The following BRINP3 variants were observed in gnomAD, a reference collection of about 807,000 sequenced individuals.
BRINP3 encodes BMP/retinoic acid inducible neural specific 3, also known as BMP/retinoic acid-inducible neural-specific protein 3.
In BRINP3, 19 loss-of-function variants were observed where a neutral mutation model predicts 71.0. The observed-to-expected ratio is 0.27, with a 90% confidence interval of 0.19 to 0.39. The LOEUF (loss-of-function observed/expected upper bound fraction) is 0.39. Ranked by LOEUF, BRINP3 falls within the 10% of genes least tolerant of loss-of-function variation. The probability of loss-of-function intolerance (pLI) is 1.00; values close to 1 mark genes in which losing one functional copy is unlikely to be tolerated. For missense variants in BRINP3, 959 were observed against 940.8 expected, an observed-to-expected ratio of 1.02 and a Z score of -0.25; for synonymous variants, 380 against 337.7, an observed-to-expected ratio of 1.13 and a Z score of -1.37.
intron 7 of BRINP3, among the ~76,000 whole-genome samples, chr1:190,139,279 C>CT (rs895212423): frequency 1.3e-5 from 2 of 151,442 alleles, no homozygotes; most frequent in African/African-American, 4.8e-5. Context: ...GAAACCCCCT[C>CT]TGTCTCTACT....
chr1:190,437,160 C>A (rs1433830548), intron 2 of BRINP3, among the ~76,000 whole-genome samples: 1 of 151,534 alleles, frequency 6.6e-6, no homozygotes, highest in Non-Finnish European at 1.5e-5. Flanking sequence ...AGCAAAAAAT[C>A]AAAATATGAA....
At chr1:190,414,345 T>G (rs189386498) in intron 2 of BRINP3, among the ~76,000 whole-genome samples, 18 of 152,168 alleles carry the variant, frequency 1.2e-4, no homozygotes, top group East Asian at 3.9e-4. Flanking sequence ...GTGTTTTTTT[T>G]TTGTTGTTTA....
intron 6 of BRINP3, among the ~76,000 whole-genome samples, chr1:190,163,301 A>G (rs750142116): frequency 1.2e-4 from 19 of 152,130 alleles, no homozygotes; most frequent in Non-Finnish European, 2.5e-4. Context: ...TAAAGTGGAA[A>G]ATACACAACA....
At chr1:190,370,774 T>A (rs1256307440) in intron 2 of BRINP3, among the ~76,000 whole-genome samples, 1 of 152,158 alleles carries the variant, frequency 6.6e-6, no homozygotes, top group Non-Finnish European at 1.5e-5. Flanking sequence ...AAGCCTAGAG[T>A]GTTCACTTTT....
chr1:190,454,584 C>T (rs934247699), intron 2 of BRINP3, 71 bp downstream of exon 2: 2 of 1,299,108 alleles, frequency 1.5e-6, no homozygotes, highest in Non-Finnish European at 2.1e-6. Flanking sequence ...GAAACTTTCC[C>T]TTAGAGAAAC....
intron 2 of BRINP3, among the ~76,000 whole-genome samples, chr1:190,413,870 T>C (rs1448195032): frequency 6.6e-6 from 1 of 152,206 alleles, no homozygotes; most frequent in African/African-American, 2.4e-5. Flanking sequence ...ATAAATAATT[T>C]ATGTTCAAAA....
intron 2 of BRINP3, among the ~76,000 whole-genome samples, chr1:190,297,065 A>G (rs1366236265): frequency 2.6e-5 from 4 of 152,098 alleles, no homozygotes; most frequent in African/African-American, 9.6e-5. Context: ...CCTAAAATTT[A>G]TGTAAAATCA....
intron 7 of BRINP3, among the ~76,000 whole-genome samples, chr1:190,121,260 TTTTA>T (rs1653627756): frequency 6.6e-6 from 1 of 152,130 alleles, no homozygotes; most frequent in Non-Finnish European, 1.5e-5. Flanking sequence ...ACAAAATGTG[TTTTA>T]TTATTTGGGG....
intron 2 of BRINP3, among the ~76,000 whole-genome samples, chr1:190,407,064 A>G (rs1672328105): frequency 6.6e-6 from 1 of 152,172 alleles, no homozygotes; most frequent in Non-Finnish European, 1.5e-5. Flanking sequence ...AGTAAGGGAA[A>G]AACCAAACTA....
chr1:190,118,101 G>C (rs1018704741), intron 7 of BRINP3, among the ~76,000 whole-genome samples: 7 of 150,412 alleles, frequency 4.7e-5, no homozygotes, highest in African/African-American at 1.7e-4. Context: ...CTATGTTTTA[G>C]TCTTAAATTA....
intron 2 of BRINP3, among the ~76,000 whole-genome samples, chr1:190,290,997 G>A (rs988472110): frequency 1.3e-5 from 2 of 151,790 alleles, no homozygotes; most frequent in African/African-American, 4.8e-5. Context: ...AGAGGAAAGA[G>A]AAGAAACAGA....
intron 2 of BRINP3, among the ~76,000 whole-genome samples, chr1:190,327,037 C>T (rs1168298335): frequency 2.0e-5 from 3 of 150,924 alleles, no homozygotes; most frequent in African/African-American, 7.3e-5. Context: ...ATACACAAGC[C>T]TGGCACGGTG....
intron 3 of BRINP3, among the ~76,000 whole-genome samples, chr1:190,267,118 T>C (rs1010592551): frequency 1.3e-5 from 2 of 152,140 alleles, no homozygotes; most frequent in Non-Finnish European, 2.9e-5. Context: ...AAAGTAATGA[T>C]AGAAATATAT....
intron 2 of BRINP3, chr1:190,361,947 A>T (rs1182682707): frequency 6.6e-6 from 1 of 152,112 alleles, no homozygotes; most frequent in Non-Finnish European, 1.5e-5. Context: ...CCTTTATAGA[A>T]GTAATTAGGG....
intron 2 of BRINP3, chr1:190,342,337 C>T (rs1328050888): frequency 1.5e-5 from 2 of 137,126 alleles, no homozygotes; most frequent in African/African-American, 2.7e-5. Context: ...TGGGGGGCCA[C>T]TATTCTGCTT....
At chr1:190,235,254 T>G (rs1297704450) in intron 4 of BRINP3, among the ~76,000 whole-genome samples, 2 of 152,088 alleles carry the variant, frequency 1.3e-5, no homozygotes, top group Non-Finnish European at 1.5e-5. Flanking sequence ...ATCTCATATG[T>G]GGACTGATTT....
chr1:190,448,904 C>G (rs1237125243), intron 2 of BRINP3, among the ~76,000 whole-genome samples: 2 of 151,796 alleles, frequency 1.3e-5, no homozygotes, highest in African/African-American at 4.8e-5. Context: ...TTTACATTCA[C>G]AAGTTGTTAA....
At chr1:190,141,596 C>T (rs1206082742) in intron 7 of BRINP3, among the ~76,000 whole-genome samples, 3 of 104,260 alleles carry the variant, frequency 2.9e-5, no homozygotes, top group Admixed American at 1.5e-4. Flanking sequence ...GAGTCTTGCT[C>T]TGTCACCCAG....
intron 2 of BRINP3, among the ~76,000 whole-genome samples, chr1:190,289,742 G>T (rs1204878124): frequency 6.6e-6 from 1 of 151,872 alleles, no homozygotes; most frequent in Non-Finnish European, 1.5e-5. Flanking sequence ...AATATTACCT[G>T]CTTCATATGA....
Sources: gnomAD v4.1 joint callset for allele counts (sites outside exome capture counted in the v4.1 genomes callset) on GRCh38, gnomAD v4.1.1 for gene constraint, MANE v1.5 for transcripts, NCBI Gene and HGNC (gene_info 2026-07-23, HGNC 2026-07-21) for gene names.